The following PPIP5K2 variants were observed in gnomAD, a reference collection of about 807,000 sequenced individuals.
The protein encoded by PPIP5K2 is diphosphoinositol pentakisphosphate kinase 2.
Under a neutral mutation model 154.6 loss-of-function variants are expected in PPIP5K2, and 105 were observed. The ratio of observed to expected loss-of-function variants is 0.68; its 90% CI spans 0.58 to 0.80. PPIP5K2 has a LOEUF of 0.80. Ranked by LOEUF, PPIP5K2 falls within the 30% of genes least tolerant of loss-of-function variation. The probability of loss-of-function intolerance (pLI) is 0.00; values close to 1 mark genes in which losing one functional copy is unlikely to be tolerated. For synonymous variants in PPIP5K2, 480 were observed against 490.3 expected (o/e 0.98, Z 0.28); for missense variants, 992 against 1,504.6 (o/e 0.66, Z 5.64).
At chr5:103,172,094 T>C (rs1798061121) in intron 19 of PPIP5K2, among the ~76,000 whole-genome samples, 1 of 151,786 alleles carries the variant, frequency 6.6e-6, no homozygotes, top group East Asian at 1.9e-4. Context: ...TGAAAATCCC[T>C]GTTTCCTCAC....
intron 24 of PPIP5K2, 68 bp downstream of exon 24, chr5:103,180,256 A>G: frequency 1.5e-6 from 2 of 1,317,344 alleles, no homozygotes; most frequent in Non-Finnish European, 2.0e-6. Flanking sequence ...AACAGAAAAG[A>G]AAATACAGCT....
chr5:103,169,164 T>A (rs1554218850), intron 19 of PPIP5K2, among the ~76,000 whole-genome samples: 1 of 151,756 alleles, frequency 6.6e-6, no homozygotes, highest in African/African-American at 2.4e-5. Flanking sequence ...AGAATTGGAT[T>A]GATAATAAAG....
At chr5:103,128,481 C>T (rs781815707) in intron 1 of PPIP5K2, among the ~76,000 whole-genome samples, 44 of 151,930 alleles carry the variant, frequency 2.9e-4, no homozygotes, top group Non-Finnish European at 5.0e-4. Context: ...GTCATAGCTC[C>T]CTGCAGCCTC....
chr5:103,135,538 C>G (rs532744308), intron 3 of PPIP5K2, among the ~76,000 whole-genome samples: 5 of 152,104 alleles, frequency 3.3e-5, no homozygotes, highest in African/African-American at 1.2e-4. Flanking sequence ...CTCAAGTGAT[C>G]CTCCCACCTC....
intron 1 of PPIP5K2, among the ~76,000 whole-genome samples, chr5:103,123,140 C>A (rs1460575432): frequency 5.3e-5 from 8 of 152,298 alleles, no homozygotes; most frequent in African/African-American, 1.9e-4. Context: ...GTCATAACAA[C>A]ATTTAACAAA....
intron 17 of PPIP5K2, among the ~76,000 whole-genome samples, chr5:103,165,115 AAC>A (rs1475363824): frequency 2.2e-4 from 33 of 152,280 alleles, no homozygotes; most frequent in African/African-American, 7.0e-4. Context: ...TACACATGTT[AAC>A]AGAGTCAGCA....
chr5:103,186,535 T>A, intron 27 of PPIP5K2, 96 bp downstream of exon 27: 1 of 1,529,232 alleles, frequency 6.5e-7, no homozygotes, highest in Non-Finnish European at 8.9e-7. Flanking sequence ...CACTGACTGA[T>A]TCGAGTGAAA....
In PPIP5K2 at chr5:103,201,673, A is replaced by G; in HGVS notation, c.*39A>G. 1 of 1,374,120 alleles carries G rather than the reference A, an allele frequency of 7.3e-7. No individual in the cohort carries two copies. The highest frequency in any genetic ancestry group is 1.0e-6 in the Non-Finnish European group (1 of 986,364). The allele number at this position is 1,374,120 out of a possible 1,614,324, so 85.1% of individuals were successfully genotyped here. On this transcript the variant is annotated 3_prime_UTR_variant, in exon 31 of 31. Transcript: ENST00000358359. ...GCTGGAACTTTTTATACTTATAAAA[A>G]TAGTATGTTCTTATGTTTCTCCTTA...
chr5:103,178,720 T>C (rs1554221766), intron 23 of PPIP5K2, among the ~76,000 whole-genome samples: 1 of 151,656 alleles, frequency 6.6e-6, no homozygotes, highest in Non-Finnish European at 1.5e-5. Flanking sequence ...AAGGACTTGG[T>C]ATATTTCTGA....
At position 103,201,591 on chromosome 5, in the gene PPIP5K2, CAG is replaced by C; in HGVS notation, c.3691_3692del (p.Glu1231AsnfsTer3). On this transcript the variant is annotated frameshift_variant, in exon 31 of 31. Transcript: ENST00000358359. LOFTEE classifies it high-confidence loss of function. ...CGGAAAAAGAATATAACTAGCAAAA[CAG>C]AAACGCATGAACACAAAAAAAACAC... The C allele has an allele frequency of 6.2e-7, 1 of 1,608,866 alleles. No homozygotes were observed. Among genetic ancestry groups the C allele is most frequent in the Non-Finnish European group, 8.5e-7 (1 of 1,177,870 alleles).
intron 1 of PPIP5K2, among the ~76,000 whole-genome samples, chr5:103,121,158 A>G (rs190864199): frequency 1.3e-5 from 2 of 150,970 alleles, no homozygotes; most frequent in Admixed American, 6.6e-5. Context: ...AGTGGGAAGC[A>G]TAGCTGACCT....
At chr5:103,127,795 A>G (rs1789945965) in intron 1 of PPIP5K2, among the ~76,000 whole-genome samples, 1 of 152,176 alleles carries the variant, frequency 6.6e-6, no homozygotes, top group Non-Finnish European at 1.5e-5. Flanking sequence ...CCCTTCCATT[A>G]TCGAAATATT....
At position 103,148,024 on chromosome 5, in the gene PPIP5K2, G is replaced by T. The variant is rs1794016787; in HGVS notation, c.736G>T (p.Asp246Tyr). Reference protein sequence around the residue: ...YEEFMPTDGTDVKVYTVGPDY... With the variant: ...YEEFMPTDGTYVKVYTVGPDY... ...AGAGTTTATGCCCACAGATGGTACTGATGTTAAGGTAGGATTGATTAAAAT... is the reference window on the plus strand; with the variant it reads ...AGAGTTTATGCCCACAGATGGTACTTATGTTAAGGTAGGATTGATTAAAAT... The change falls in exon 7 of 31, where the codon GAT becomes TAT. Residue 246 changes from aspartate (D) to tyrosine (Y), a missense_variant. Physicochemically the swap from Asp to Tyr is radical, Grantham distance 160. Around this residue, in one of 9 missense-constraint regions of PPIP5K2, gnomAD observed 51 missense variants for 152.2 expected, o/e 0.33. Transcript: ENST00000358359. 6.4e-7 allele frequency: 1 copy of T among 1,568,060 alleles called. No homozygotes were observed. Among genetic ancestry groups the T allele is most frequent in the Non-Finnish European group, 8.7e-7 (1 of 1,148,006 alleles).
At chr5:103,122,050 G>A (rs923208750) in intron 1 of PPIP5K2, among the ~76,000 whole-genome samples, 4 of 152,156 alleles carry the variant, frequency 2.6e-5, no homozygotes, top group African/African-American at 9.7e-5. Context: ...GAAGTGTGTT[G>A]ATATCTAGTA....
intron 24 of PPIP5K2, 69 bp from the exon 25 acceptor site, chr5:103,183,165 T>C (rs1381952850): frequency 8.1e-7 from 1 of 1,227,550 alleles, no homozygotes; most frequent in African/African-American, 1.6e-5. Context: ...TATCTAACTT[T>C]GCATGCTCTG....
At chr5:103,196,033 G>A (rs1342970958) in intron 30 of PPIP5K2, among the ~76,000 whole-genome samples, 1 of 152,094 alleles carries the variant, frequency 6.6e-6, no homozygotes, top group Non-Finnish European at 1.5e-5. Flanking sequence ...TTGCAATCTT[G>A]TATATAAAGT....
intron 9 of PPIP5K2, among the ~76,000 whole-genome samples, chr5:103,152,106 G>A (rs141750541): frequency 6.6e-6 from 1 of 151,906 alleles, no homozygotes. Flanking sequence ...TTAACCCACA[G>A]TATGTTTCAA....
Position 103,146,650 on chromosome 5 carries a change from C to T in PPIP5K2, c.611C>T (p.Ala204Val). 6.2e-7 allele frequency: 1 copy of T among 1,611,536 alleles called. No homozygotes were observed. Among genetic ancestry groups the T allele is most frequent in the Non-Finnish European group, 8.5e-7 (1 of 1,178,652 alleles). The change falls in exon 6 of 31, where the codon GCT becomes GTT. Residue 204 changes from alanine to valine, a missense_variant. This residue lies in a region of PPIP5K2 where 51 missense variants were observed against 152.2 expected (regional missense o/e 0.33). Transcript: ENST00000358359. ...GTTTACATTTATTACCCAACTTCTG[C>T]TGGTGGTGGAAGTCAAAGACTCTTT... Reference protein sequence around the residue: ...HNVYIYYPTSAGGGSQRLFRK... With the variant: ...HNVYIYYPTSVGGGSQRLFRK...
At chr5:103,145,005 C>T (rs929439308) in intron 5 of PPIP5K2, among the ~76,000 whole-genome samples, 1 of 151,930 alleles carries the variant, frequency 6.6e-6, no homozygotes, top group Non-Finnish European at 1.5e-5. Context: ...TTGTAAACTA[C>T]CCATTTGACA....
Sources: allele counts gnomAD v4.1 joint callset (sites outside exome capture counted in the v4.1 genomes callset), GRCh38; gene constraint gnomAD v4.1.1; regional missense constraint gnomAD v4.1.1; transcripts MANE v1.5; gene names NCBI Gene and HGNC (gene_info 2026-07-23, HGNC 2026-07-21).